EFNA5: variants seen among roughly 807,000 people sequenced by gnomAD.
EFNA5 encodes ephrin-A5.
A neutral mutation model predicts 22.9 loss-of-function variants in EFNA5; 5 were observed. That is an observed-to-expected ratio of 0.22 (90% CI 0.11 to 0.46). The LOEUF (loss-of-function observed/expected upper bound fraction) is 0.46. Ranked by LOEUF, EFNA5 falls within the 20% of genes least tolerant of loss-of-function variation. EFNA5 has a pLI of 0.99. For missense variants in EFNA5, 237 were observed against 293.3 expected (o/e 0.81, Z 1.40); for synonymous variants, 113 against 112.2 (o/e 1.01, Z -0.04).
rs567262870 is a variant in EFNA5 at position 107,667,104 on chromosome 5, T to C, written c.125+3385A>G. Among the ~76,000 whole-genome samples, 81 of 152,250 alleles carry C rather than the reference T, an allele frequency of 5.3e-4. 1 individual carries two copies. Among genetic ancestry groups the C allele is most frequent in the African/African-American group, 1.9e-3 (81 of 41,578 alleles). On this transcript the variant is annotated intron_variant, in intron 1 of 4. Coordinates refer to ENST00000333274, the MANE Select transcript of EFNA5 (RefSeq NM_001962.3). Reference sequence around the variant, plus strand: ...AATATTAAAAGGATGATTTGATTATTTACACTTTTAGGTAAAACTTATACA... The same window carrying C: ...AATATTAAAAGGATGATTTGATTATCTACACTTTTAGGTAAAACTTATACA...
intron 2 of EFNA5, among the ~76,000 whole-genome samples, chr5:107,392,615 CTG>C (rs1284262029): frequency 2.0e-5 from 3 of 152,156 alleles, no homozygotes; most frequent in African/African-American, 7.2e-5. Context: ...TCCACGGAAA[CTG>C]TGAAATAATA....
At chr5:107,427,791 C>A (rs1462907785) in intron 1 of EFNA5, among the ~76,000 whole-genome samples, 1 of 152,060 alleles carries the variant, frequency 6.6e-6, no homozygotes, top group African/African-American at 2.4e-5. Flanking sequence ...ATCACTCTTT[C>A]AAACTGTGGA....
intron 1 of EFNA5, among the ~76,000 whole-genome samples, chr5:107,481,815 A>C (rs1249962171): frequency 6.7e-6 from 1 of 149,058 alleles, no homozygotes; most frequent in African/African-American, 2.5e-5. Context: ...ACCCCATTGC[A>C]CTGCAGCCTG....
chr5:107,468,451 A>T (rs868710863), intron 1 of EFNA5, among the ~76,000 whole-genome samples: 1 of 152,226 alleles, frequency 6.6e-6, no homozygotes, highest in Non-Finnish European at 1.5e-5. Context: ...TTGACAGTGC[A>T]TAACTTGATA....
intron 1 of EFNA5, among the ~76,000 whole-genome samples, chr5:107,508,773 T>A (rs1747301980): frequency 6.6e-6 from 1 of 152,214 alleles, no homozygotes; most frequent in Non-Finnish European, 1.5e-5. Flanking sequence ...TTTATAATAA[T>A]GAGAAAAAAG....
intron 1 of EFNA5, among the ~76,000 whole-genome samples, chr5:107,495,101 T>A (rs1561412042): frequency 6.6e-6 from 1 of 152,160 alleles, no homozygotes; most frequent in Admixed American, 6.5e-5. Flanking sequence ...GAGCCAGCAG[T>A]GGCAACCCGC....
intron 1 of EFNA5, among the ~76,000 whole-genome samples, chr5:107,652,406 C>A (rs775998274): frequency 1.3e-5 from 2 of 152,172 alleles, no homozygotes; most frequent in Non-Finnish European, 2.9e-5. Flanking sequence ...GATGTGCTTT[C>A]TCTCTCTCTG....
chr5:107,448,897 C>T, intron 1 of EFNA5, among the ~76,000 whole-genome samples: 1 of 122,676 alleles, frequency 8.2e-6, no homozygotes, highest in Non-Finnish European at 1.7e-5. Context: ...AAAAATAATC[C>T]CCAACATTTG....
chr5:107,638,204 G>A (rs17160301), intron 1 of EFNA5, among the ~76,000 whole-genome samples: 23,026 of 151,922 alleles, frequency 0.15, 2,365 homozygotes, highest in South Asian at 0.41. Context: ...TCTAATCATA[G>A]ATAACCTAAG....
intron 1 of EFNA5, among the ~76,000 whole-genome samples, chr5:107,590,718 G>A (rs980129075): frequency 2.0e-5 from 3 of 152,050 alleles, no homozygotes; most frequent in South Asian, 2.1e-4. Flanking sequence ...TATCTTAAAG[G>A]TAAATGGTGT....
At position 107,670,764 on chromosome 5, in the gene EFNA5, G is replaced by A; in HGVS notation, c.-151C>T. 1 of 1,103,816 alleles carries A rather than the reference G, an allele frequency of 9.1e-7. No individual in the cohort carries two copies. The highest frequency in any genetic ancestry group is 1.3e-6 in the Non-Finnish European group (1 of 784,936). 68.4% of individuals were successfully genotyped at this position (1,103,816 alleles called of 1,614,324 possible). On this transcript the variant is annotated 5_prime_UTR_variant, in exon 1 of 5. Transcript: ENST00000333274. ...TGAAAGTGGGCGAGAAAGGAAAGAGGCGCCCACCAAGCTGGGGAGGGGTAG... is the reference window on the plus strand; with the variant it reads ...TGAAAGTGGGCGAGAAAGGAAAGAGACGCCCACCAAGCTGGGGAGGGGTAG...
At chr5:107,521,847 C>T (rs553058991) in intron 1 of EFNA5, among the ~76,000 whole-genome samples, 14 of 152,120 alleles carry the variant, frequency 9.2e-5, no homozygotes, top group South Asian at 2.1e-4. Flanking sequence ...AGTCAGTTCC[C>T]GCTATGTTTT....
At chr5:107,412,904 T>C (rs1045496103) in intron 2 of EFNA5, among the ~76,000 whole-genome samples, 4 of 152,212 alleles carry the variant, frequency 2.6e-5, no homozygotes, top group African/African-American at 4.8e-5. Flanking sequence ...ACCACCAGTG[T>C]ATTTCAAACT....
chr5:107,380,933 G>A lies in EFNA5; in HGVS notation c.*322C>T, dbSNP rs1458425054. ...CGCTAACGGAGGTGAGTTCTTAGAG[G>A]AGAATGCACAGGAGCTGACGAACCA... is the stretch of plus-strand genomic sequence containing the variant. On this transcript the variant is annotated 3_prime_UTR_variant, in exon 5 of 5. Coordinates refer to ENST00000333274, the MANE Select transcript of EFNA5 (RefSeq NM_001962.3). 6 of 436,782 alleles carry A rather than the reference G, an allele frequency of 1.4e-5. No individual in the cohort carries two copies. Among genetic ancestry groups the A allele is most frequent in the Non-Finnish European group, 2.0e-5 (5 of 245,380 alleles). The allele number at this position is 436,782 out of a possible 1,614,324, so 27.1% of individuals were successfully genotyped here.
At chr5:107,592,103 T>C (rs1489602519) in intron 1 of EFNA5, among the ~76,000 whole-genome samples, 1 of 100,710 alleles carries the variant, frequency 9.9e-6, no homozygotes, top group East Asian at 2.2e-4. Flanking sequence ...TAAAAATATA[T>C]TTTATATATA....
chr5:107,393,260 G>A (rs1747834127), intron 2 of EFNA5, among the ~76,000 whole-genome samples: 1 of 152,122 alleles, frequency 6.6e-6, no homozygotes, highest in Admixed American at 6.5e-5. Flanking sequence ...CTTCTACACA[G>A]GCCATCAAGT....
chr5:107,668,959 A>C (rs1045401380), intron 1 of EFNA5, among the ~76,000 whole-genome samples: 3 of 152,048 alleles, frequency 2.0e-5, no homozygotes, highest in African/African-American at 7.2e-5. Flanking sequence ...TTTTGAACCA[A>C]ACTTTCAGGA....
chr5:107,426,627 C>G (rs1392790441), intron 2 of EFNA5, among the ~76,000 whole-genome samples: 1 of 152,232 alleles, frequency 6.6e-6, no homozygotes, highest in African/African-American at 2.4e-5. Context: ...CAGAGTCACT[C>G]AATGCTCACA....
intron 1 of EFNA5, among the ~76,000 whole-genome samples, chr5:107,635,722 G>T (rs1233581097): frequency 1.3e-5 from 2 of 152,164 alleles, no homozygotes; most frequent in East Asian, 1.9e-4. Context: ...CAGTGAGAGG[G>T]TTCACTACAT....
Sources: allele counts gnomAD v4.1 joint callset (sites outside exome capture counted in the v4.1 genomes callset), GRCh38; gene constraint gnomAD v4.1.1; transcripts MANE v1.5; gene names NCBI Gene and HGNC (gene_info 2026-07-23, HGNC 2026-07-21).